Variants in TECPR2 observed in about 807,000 individuals in gnomAD.
The protein encoded by TECPR2 is tectonin beta-propeller repeat containing 2, also known as tectonin beta-propeller repeat-containing protein 2.
A neutral mutation model predicts 138.1 loss-of-function variants in TECPR2; 65 were observed. The ratio of observed to expected loss-of-function variants is 0.47; its 90% CI spans 0.39 to 0.58. The LOEUF is 0.58. TECPR2 is among the 20% of genes least tolerant of loss of function. The pLI, the probability that TECPR2 is intolerant of heterozygous loss-of-function variation, is 0.00. For missense variants in TECPR2, 1,553 were observed against 1,824.5 expected, an observed-to-expected ratio of 0.85 and a Z score of 2.71; for synonymous variants, 746 against 749.8, an observed-to-expected ratio of 0.99 and a Z score of 0.08.
At chr14:102,426,413 A>T (rs750410904) in intron 6 of TECPR2, among the ~76,000 whole-genome samples, 1 of 152,024 alleles carries the variant, frequency 6.6e-6, no homozygotes, top group Non-Finnish European at 1.5e-5. Context: ...TCTTTTTAAA[A>T]TAAACTCCCT....
At position 102,419,890 on chromosome 14, in the gene TECPR2, G is replaced by A. The variant is rs193259847; in HGVS notation, c.639-5089G>A. On this transcript the variant is annotated intron_variant, in intron 5 of 19. Coordinates refer to ENST00000359520, the MANE Select transcript of TECPR2 (RefSeq NM_014844.5). The surrounding 1 kb of genome is among the most constrained non-coding windows in gnomAD (Gnocchi z 4.8). ...TTGCCCTGGGGAAGGAGAAGGAGAC[G>A]CAGCAATCTGTAGGTGTGGCGCCCG... Among the ~76,000 whole-genome samples, 47 of 152,270 alleles carry A rather than the reference G, an allele frequency of 3.1e-4. No homozygotes were observed. The highest frequency in any genetic ancestry group is 9.4e-4 in the African/African-American group (39 of 41,546).
chr14:102,411,439 G>C (rs898253670), intron 4 of TECPR2, among the ~76,000 whole-genome samples: 30 of 152,310 alleles, frequency 2.0e-4, no homozygotes, highest in African/African-American at 7.2e-4. Context: ...CACAAAAGAA[G>C]TGTAAATGGC....
At chr14:102,482,721 C>G (rs973962699) in intron 17 of TECPR2, among the ~76,000 whole-genome samples, 2 of 152,118 alleles carry the variant, frequency 1.3e-5, no homozygotes, top group African/African-American at 4.8e-5. Context: ...TGTGTTCACC[C>G]TTGACCTTGC....
chr14:102,406,301 C>T (rs1330693618), intron 2 of TECPR2, among the ~76,000 whole-genome samples: 1 of 152,188 alleles, frequency 6.6e-6, no homozygotes, highest in African/African-American at 2.4e-5. Flanking sequence ...GTAATCCCAG[C>T]ACTTTGGGAG....
chr14:102,383,311 G>A (rs1274693870), intron 2 of TECPR2, among the ~76,000 whole-genome samples: 2 of 152,046 alleles, frequency 1.3e-5, no homozygotes, highest in African/African-American at 4.8e-5. Flanking sequence ...ATGCGTTAGC[G>A]GAATTTGGAC....
intron 2 of TECPR2, among the ~76,000 whole-genome samples, chr14:102,403,924 G>T (rs756229560): frequency 3.9e-5 from 6 of 152,156 alleles, no homozygotes; most frequent in African/African-American, 1.4e-4. Flanking sequence ...TGGAGACAGG[G>T]TCTTGCTCTG....
At chr14:102,430,619 G>A (rs987122475) in intron 7 of TECPR2, among the ~76,000 whole-genome samples, 2 of 152,212 alleles carry the variant, frequency 1.3e-5, no homozygotes, top group Non-Finnish European at 2.9e-5. Flanking sequence ...TTGTGTTGAG[G>A]GTACTGTAGC....
chr14:102,422,947 C>T (rs963010519), intron 5 of TECPR2, among the ~76,000 whole-genome samples: 1 of 152,118 alleles, frequency 6.6e-6, no homozygotes, highest in Non-Finnish European at 1.5e-5. Flanking sequence ...TGAAAAAATT[C>T]CTATCAGCTG....
At chr14:102,452,670 C>T in intron 16 of TECPR2, 43 bp downstream of exon 16, 1 of 1,478,274 alleles carries the variant, frequency 6.8e-7, no homozygotes, top group South Asian at 1.2e-5. Flanking sequence ...CCCTGACTGC[C>T]CTAAACCGGC....
chr14:102,376,934 C>T lies in TECPR2; in HGVS notation c.213C>T (p.Asn71=). ...CRHLNQMRKY[N]FEGKTESITV... ...ACCTCAACCAGATGAGGAAGTACAACTTTGAGGTGAGCCTTGCTTTGCTTT... is the reference window on the plus strand; with the variant it reads ...ACCTCAACCAGATGAGGAAGTACAATTTTGAGGTGAGCCTTGCTTTGCTTT... Residue 71 remains asparagine (N), a synonymous_variant, in exon 2 of 20, where the codon AAC becomes AAT. Transcript: ENST00000359520. 1 of 1,613,078 alleles carries T rather than the reference C, an allele frequency of 6.2e-7. No homozygotes were observed. Among genetic ancestry groups the T allele is most frequent in the East Asian group, 2.2e-5 (1 of 44,842 alleles).
chr14:102,425,793 C>G (rs1383150943), intron 6 of TECPR2, among the ~76,000 whole-genome samples: 1 of 150,816 alleles, frequency 6.6e-6, no homozygotes, highest in Non-Finnish European at 1.5e-5. Flanking sequence ...TCAGGCTGGT[C>G]TTGAACTCCT....
intron 2 of TECPR2, among the ~76,000 whole-genome samples, chr14:102,394,519 C>T (rs1048130530): frequency 2.0e-5 from 3 of 152,138 alleles, no homozygotes; most frequent in Non-Finnish European, 4.4e-5. Flanking sequence ...GGGAGGATCA[C>T]TTGAGCCTGA....
At chr14:102,432,450 C>T (rs924040841) in intron 8 of TECPR2, among the ~76,000 whole-genome samples, 4 of 151,986 alleles carry the variant, frequency 2.6e-5, no homozygotes, top group Non-Finnish European at 4.4e-5. Context: ...GACAGAGTTT[C>T]GCTCGTCGCC....
intron 17 of TECPR2, among the ~76,000 whole-genome samples, chr14:102,476,366 TAAAA>T (rs772790942): frequency 9.1e-6 from 1 of 110,462 alleles, no homozygotes; most frequent in Non-Finnish European, 1.9e-5. Context: ...ACCCTGCCTC[TAAAA>T]AAAAAAAAAA....
intron 9 of TECPR2, among the ~76,000 whole-genome samples, chr14:102,435,859 T>C (rs1889657087): frequency 6.6e-6 from 1 of 152,238 alleles, no homozygotes; most frequent in Non-Finnish European, 1.5e-5. Context: ...AAGTGCCTAC[T>C]TCCCTTAGCA....
chr14:102,384,846 CTTTTTTTTTTTTTTTT>C (rs58616138), intron 2 of TECPR2, among the ~76,000 whole-genome samples: 1 of 99,402 alleles, frequency 1.0e-5, no homozygotes, highest in East Asian at 2.8e-4. Flanking sequence ...TTTTCCTTTC[CTTTTTTTTTTTTTTTT>C]TTTTTTTTTT....
intron 17 of TECPR2, among the ~76,000 whole-genome samples, chr14:102,476,422 G>T (rs552489853): frequency 1.1e-4 from 17 of 151,718 alleles, no homozygotes; most frequent in African/African-American, 3.9e-4. Flanking sequence ...AATTTGTAGG[G>T]ATTAAAATTG....
At chr14:102,446,576 C>G (rs1305876123) in intron 13 of TECPR2, among the ~76,000 whole-genome samples, 1 of 152,062 alleles carries the variant, frequency 6.6e-6, no homozygotes, top group Non-Finnish European at 1.5e-5. Flanking sequence ...ACCTGGGCAA[C>G]AGAGCTAGAC....
chr14:102,448,378 CT>C (rs1890044842), intron 13 of TECPR2, among the ~76,000 whole-genome samples: 1 of 152,200 alleles, frequency 6.6e-6, no homozygotes, highest in Non-Finnish European at 1.5e-5. Context: ...TTATATCAAG[CT>C]GCCCAAGAAG....
Sources: gnomAD v4.1 joint callset for allele counts (sites outside exome capture counted in the v4.1 genomes callset) on GRCh38, gnomAD v4.1.1 for gene constraint, Gnocchi (gnomAD v3.1) non-coding constraint, MANE v1.5 for transcripts, NCBI Gene and HGNC (gene_info 2026-07-23, HGNC 2026-07-21) for gene names.